The following VAV3 variants were observed in gnomAD, a reference collection of about 807,000 sequenced individuals.
VAV3 encodes guanine nucleotide exchange factor VAV3.
Under a neutral mutation model 131.2 loss-of-function variants are expected in VAV3, and 94 were observed. That is an observed-to-expected ratio of 0.72 (90% confidence interval 0.61 to 0.85). The LOEUF (loss-of-function observed/expected upper bound fraction) is 0.85, where lower values mean the gene tolerates loss of function less well. Among genes scored for constraint, VAV3 ranks in the 40% least tolerant of loss-of-function variants. The probability of loss-of-function intolerance (pLI) is 0.00; values close to 1 mark genes in which losing one functional copy is unlikely to be tolerated. For missense variants in VAV3, 939 were observed against 1,002.7 expected (o/e 0.94, Z 0.86); for synonymous variants, 349 against 342.0 (o/e 1.02, Z -0.22).
At chr1:107,761,780 G>T (rs992723579) in intron 9 of VAV3, among the ~76,000 whole-genome samples, 3 of 152,068 alleles carry the variant, frequency 2.0e-5, no homozygotes, top group African/African-American at 7.2e-5. Context: ...TGTGCTGTAT[G>T]CCCCTAAGAA....
intron 15 of VAV3, among the ~76,000 whole-genome samples, chr1:107,735,835 T>A (rs1048783325): frequency 2.0e-5 from 3 of 151,972 alleles, no homozygotes; most frequent in African/African-American, 7.3e-5. Flanking sequence ...AAAGAGGGAA[T>A]CCTCCCTAAC....
At chr1:107,770,828 C>T in intron 5 of VAV3, 100 bp from the exon 6 acceptor site, 3 of 903,712 alleles carry the variant, frequency 3.3e-6, no homozygotes, top group Middle Eastern at 3.4e-4. Context: ...TTAAACTTTC[C>T]TTTCTAATAC....
At chr1:107,699,905 G>A (rs1659993516) in intron 17 of VAV3, among the ~76,000 whole-genome samples, 2 of 152,132 alleles carry the variant, frequency 1.3e-5, no homozygotes, top group South Asian at 4.1e-4. Flanking sequence ...CACATATAAG[G>A]GCGATTCCGG....
At chr1:107,635,332 A>G (rs1054229439) in intron 20 of VAV3, among the ~76,000 whole-genome samples, 2 of 152,098 alleles carry the variant, frequency 1.3e-5, no homozygotes, top group Non-Finnish European at 2.9e-5. Flanking sequence ...GACAAGGATG[A>G]AGCTGGAAAC....
At chr1:107,950,157 T>C (rs750467180) in intron 1 of VAV3, among the ~76,000 whole-genome samples, 3 of 152,128 alleles carry the variant, frequency 2.0e-5, no homozygotes, top group Non-Finnish European at 4.4e-5. Context: ...TACTGTATAG[T>C]GTCCAACTTC....
intron 20 of VAV3, among the ~76,000 whole-genome samples, chr1:107,634,377 T>A (rs1654743719): frequency 6.6e-6 from 1 of 152,282 alleles, no homozygotes; most frequent in East Asian, 1.9e-4. Context: ...AGGGAAATGA[T>A]TCCCTATTTA....
At chr1:107,843,320 G>A (rs1668811763) in intron 2 of VAV3, among the ~76,000 whole-genome samples, 1 of 148,910 alleles carries the variant, frequency 6.7e-6, no homozygotes, top group Non-Finnish European at 1.5e-5. Context: ...TAATAAAATT[G>A]TCATTAGAAT....
intron 25 of VAV3, among the ~76,000 whole-genome samples, chr1:107,587,328 G>A (rs977401832): frequency 3.3e-5 from 5 of 152,304 alleles, no homozygotes; most frequent in Admixed American, 6.5e-5. Context: ...TTGGGATTCA[G>A]CAGGGAAAAT....
At chr1:107,627,336 C>A (rs896792098) in intron 20 of VAV3, among the ~76,000 whole-genome samples, 1 of 152,166 alleles carries the variant, frequency 6.6e-6, no homozygotes, top group African/African-American at 2.4e-5. Context: ...ATCAACCAAT[C>A]TCTTCAGAAT....
At chr1:107,641,182 C>G (rs1655310737) in intron 20 of VAV3, among the ~76,000 whole-genome samples, 1 of 152,234 alleles carries the variant, frequency 6.6e-6, no homozygotes, top group Non-Finnish European at 1.5e-5. Context: ...CTGGCTACCA[C>G]AATTGAAATG....
At chr1:107,693,548 G>C (rs898752175) in intron 17 of VAV3, among the ~76,000 whole-genome samples, 9 of 152,042 alleles carry the variant, frequency 5.9e-5, no homozygotes, top group African/African-American at 2.2e-4. Flanking sequence ...AAATATAGAA[G>C]GTTTTCCAAC....
intron 25 of VAV3, among the ~76,000 whole-genome samples, chr1:107,586,903 GA>G (rs914545920): frequency 3.3e-5 from 5 of 151,994 alleles, no homozygotes; most frequent in South Asian, 2.1e-4. Context: ...ATCAATAAAA[GA>G]AAAAAACTTA....
At chr1:107,629,980 A>G (rs950526117) in intron 20 of VAV3, among the ~76,000 whole-genome samples, 1 of 152,178 alleles carries the variant, frequency 6.6e-6, no homozygotes, top group African/African-American at 2.4e-5. Context: ...GTCAGAAAGC[A>G]TAACTTCTCA....
At chr1:107,895,542 C>CTGT (rs1175434144) in intron 1 of VAV3, among the ~76,000 whole-genome samples, 1 of 152,106 alleles carries the variant, frequency 6.6e-6, no homozygotes, top group East Asian at 1.9e-4. Context: ...GTCATACAGC[C>CTGT]AATAGTTAGA....
At chr1:107,850,857 C>A (rs1256873647) in intron 2 of VAV3, among the ~76,000 whole-genome samples, 1 of 151,272 alleles carries the variant, frequency 6.6e-6, no homozygotes, top group Non-Finnish European at 1.5e-5. Context: ...TAAAGGCTAC[C>A]ACACATATAT....
intron 20 of VAV3, among the ~76,000 whole-genome samples, chr1:107,627,731 T>C (rs550248154): frequency 6.6e-6 from 1 of 152,352 alleles, no homozygotes; most frequent in South Asian, 2.1e-4. Flanking sequence ...CAATGTTAAG[T>C]AGTTTTAAAA....
chr1:107,678,639 A>G (rs1053141269), intron 19 of VAV3, among the ~76,000 whole-genome samples: 2 of 152,106 alleles, frequency 1.3e-5, no homozygotes, highest in Non-Finnish European at 2.9e-5. Flanking sequence ...TTAGACTTGG[A>G]ATAAATTTCA....
chr1:107,633,394 T>C (rs145133216), intron 20 of VAV3, among the ~76,000 whole-genome samples: 74 of 152,298 alleles, frequency 4.9e-4, no homozygotes, highest in African/African-American at 1.6e-3. Flanking sequence ...AAGCCACTTA[T>C]ACGCACCAAG....
chr1:107,813,509 A>G (rs919909288), intron 2 of VAV3, among the ~76,000 whole-genome samples: 64 of 152,220 alleles, frequency 4.2e-4, no homozygotes, highest in African/African-American at 1.5e-3. Context: ...TTACATTTTT[A>G]TGTATGTGAT....
Sources: allele counts gnomAD v4.1 joint callset (sites outside exome capture counted in the v4.1 genomes callset), GRCh38; gene constraint gnomAD v4.1.1; transcripts MANE v1.5; gene names NCBI Gene and HGNC (gene_info 2026-07-23, HGNC 2026-07-21).